Variants in CGGBP1 observed in about 807,000 individuals in gnomAD.
The protein encoded by CGGBP1 is CGG triplet repeat-binding protein 1.
A neutral mutation model predicts 11.4 loss-of-function variants in CGGBP1; 4 were observed. That is an observed-to-expected ratio of 0.35 (90% CI 0.17 to 0.80). The LOEUF is 0.80. CGGBP1 is among the 30% of genes least tolerant of loss of function. The pLI is 0.52. For synonymous variants in CGGBP1, 76 were observed against 74.1 expected (o/e 1.03, Z -0.13); for missense variants, 135 against 202.1 (o/e 0.67, Z 2.01).
At chr3:88,075,631 A>G (rs1263234601) in intron 2 of CGGBP1, among the ~76,000 whole-genome samples, 3 of 152,214 alleles carry the variant, frequency 2.0e-5, no homozygotes, top group Non-Finnish European at 4.4e-5. Flanking sequence ...TATTGGCAGA[A>G]TAAACATTCC....
At chr3:88,062,840 A>T (rs1706964551), upstream of CGGBP1, among the ~76,000 whole-genome samples, 1 of 152,230 alleles carries the variant, frequency 6.6e-6, no homozygotes, top group Non-Finnish European at 1.5e-5. Flanking sequence ...TAGCACACAG[A>T]TAGACTTAAA....
At chr3:88,141,161 T>C (rs762842950) in intron 1 of CGGBP1, 154 of 1,219,146 alleles carry the variant, frequency 1.3e-4, no homozygotes, top group Non-Finnish European at 1.6e-4. Flanking sequence ...GCACAGGTAG[T>C]GAAGCATTAC....
At chr3:88,083,945 A>C (rs1439620721) in intron 2 of CGGBP1, among the ~76,000 whole-genome samples, 1 of 4,768 alleles carries the variant, frequency 2.1e-4, no homozygotes, top group African/African-American at 2.7e-4. Flanking sequence ...CTTATTTTAT[A>C]TATATATATA....
chr3:88,103,166 AT>A (rs570313871), intron 2 of CGGBP1, among the ~76,000 whole-genome samples: 59 of 151,760 alleles, frequency 3.9e-4, no homozygotes, highest in Non-Finnish European at 8.1e-4. Flanking sequence ...TTACAGACAC[AT>A]TTTTTTTTAA....
chr3:88,095,894 G>A, intron 2 of CGGBP1: 1 of 426,850 alleles, frequency 2.3e-6, no homozygotes, highest in Non-Finnish European at 4.4e-6. Context: ...CCACATGCCT[G>A]TCTAGCACCT....
intron 2 of CGGBP1, among the ~76,000 whole-genome samples, chr3:88,115,006 T>C (rs1029045612): frequency 1.3e-5 from 2 of 152,216 alleles, no homozygotes; most frequent in African/African-American, 4.8e-5. Context: ...CAGTGGTTCT[T>C]CTCCATACAT....
intron 2 of CGGBP1, chr3:88,135,126 A>C (rs1178173566): frequency 6.7e-7 from 1 of 1,487,192 alleles, no homozygotes; most frequent in Non-Finnish European, 8.9e-7. Context: ...GTTTTTGTAG[A>C]TCAATGCTAC....
rs1235417115 is a variant in CGGBP1, at chr3:88,055,542, C to T, written c.435G>A (p.Gln145=). The T allele has an allele frequency of 6.3e-7, 1 of 1,585,432 alleles. No individual in the cohort carries two copies. The highest frequency in any genetic ancestry group is 8.6e-7 in the Non-Finnish European group (1 of 1,161,732). ...CATCAGGAAGATATGCCCTCCGTAG[C>T]TGGTCTGACTTAGGTATGGAGCCTC... ...KNGGSIPKSD[Q]LRRAYLPDGY... is the part of the protein sequence containing the mutation. Residue 145 remains glutamine, a synonymous_variant, in exon 4 of 4, where the codon CAG becomes CAA. Transcript: ENST00000482016. This position sits in a 1 kb window ranked among gnomAD's most constrained non-coding sequence, Gnocchi z 4.2.
At position 88,071,804 on chromosome 3, in the gene CGGBP1, C is replaced by CA. The variant is rs1394876489; in HGVS notation, c.-228-13582dup. On this transcript the variant is annotated intron_variant, in intron 2 of 3. Transcript: ENST00000462901. Reference sequence around the variant, plus strand: ...GGGCGACAAGAGTGAGACTCCGTCTCAAAAAAAAAATCAAAAACACTTCCG... The same window carrying CA: ...GGGCGACAAGAGTGAGACTCCGTCTCAAAAAAAAAAATCAAAAACACTTCCG... Among the ~76,000 whole-genome samples, 441 of 149,638 alleles carry CA rather than the reference C, an allele frequency of 2.9e-3. 3 individuals are homozygous for CA. Among genetic ancestry groups the CA allele is most frequent in the African/African-American group, 9.5e-3 (385 of 40,720 alleles).
chr3:88,097,196 A>C (rs1704117109), intron 2 of CGGBP1, among the ~76,000 whole-genome samples: 1 of 152,272 alleles, frequency 6.6e-6, no homozygotes, highest in Non-Finnish European at 1.5e-5. Flanking sequence ...GAGTAGATTA[A>C]TTGCTAGATC....
intron 2 of CGGBP1, among the ~76,000 whole-genome samples, chr3:88,089,836 A>G (rs1489438114): frequency 6.6e-6 from 1 of 152,202 alleles, no homozygotes; most frequent in Non-Finnish European, 1.5e-5. Context: ...GGGCTAGTCC[A>G]TGGCTAGGGA....
intron 2 of CGGBP1, among the ~76,000 whole-genome samples, chr3:88,123,020 A>G (rs1425752870): frequency 6.6e-6 from 1 of 151,736 alleles, no homozygotes; most frequent in Non-Finnish European, 1.5e-5. Context: ...TCAAAAAAAA[A>G]AAAAAAGTAA....
chr3:88,064,107 TTC>T (rs1184784281), intron 2 of CGGBP1, among the ~76,000 whole-genome samples: 11 of 61,834 alleles, frequency 1.8e-4, no homozygotes, highest in Admixed American at 3.9e-4. Flanking sequence ...AACGAGCTTC[TTC>T]TTTTTTTTTT....
At chr3:88,093,706 C>T (rs1559705090) in intron 2 of CGGBP1, among the ~76,000 whole-genome samples, 3 of 152,210 alleles carry the variant, frequency 2.0e-5, no homozygotes, top group Admixed American at 1.3e-4. Context: ...GTATTTCATA[C>T]AGCATTTATG....
intron 2 of CGGBP1, among the ~76,000 whole-genome samples, chr3:88,097,977 A>G (rs891902683): frequency 2.0e-5 from 3 of 152,194 alleles, no homozygotes; most frequent in African/African-American, 7.2e-5. Context: ...AGAAATAACT[A>G]AGATCAGAGC....
At chr3:88,075,271 C>T (rs1707738386) in intron 2 of CGGBP1, among the ~76,000 whole-genome samples, 1 of 152,214 alleles carries the variant, frequency 6.6e-6, no homozygotes, top group African/African-American at 2.4e-5. Flanking sequence ...ACGCTTCAAG[C>T]ATAGTCATTT....
chr3:88,100,274 T>G (rs1405692151), intron 2 of CGGBP1, among the ~76,000 whole-genome samples: 1 of 152,154 alleles, frequency 6.6e-6, no homozygotes, highest in Non-Finnish European at 1.5e-5. Flanking sequence ...CACAATGAGA[T>G]ACCATCTCAC....
chr3:88,113,613 C>T (rs1210965625), intron 2 of CGGBP1, among the ~76,000 whole-genome samples: 2 of 151,906 alleles, frequency 1.3e-5, no homozygotes, highest in Non-Finnish European at 2.9e-5. Flanking sequence ...TTTTGGGCAC[C>T]TGGTATAGGA....
intron 2 of CGGBP1, among the ~76,000 whole-genome samples, chr3:88,118,912 T>C (rs1418816914): frequency 4.7e-5 from 7 of 150,318 alleles, no homozygotes; most frequent in Non-Finnish European, 1.0e-4. Flanking sequence ...TGTGGAGAAA[T>C]AGGAACACTT....
Sources: allele counts gnomAD v4.1 joint callset (sites outside exome capture counted in the v4.1 genomes callset), GRCh38; gene constraint gnomAD v4.1.1; non-coding constraint Gnocchi (gnomAD v3.1); transcripts MANE v1.5; gene names NCBI Gene and HGNC (gene_info 2026-07-23, HGNC 2026-07-21).